Variants in ZFYVE28 observed in about 807,000 individuals in gnomAD.
The protein encoded by ZFYVE28 is lateral signaling target protein 2 homolog.
ZFYVE28 carries 40 observed loss-of-function variants against 82.1 expected under a neutral mutation model. The ratio of observed to expected loss-of-function variants is 0.49; its 90% confidence interval spans 0.38 to 0.63. ZFYVE28 has a LOEUF of 0.63. Among genes scored for constraint, ZFYVE28 ranks in the 30% least tolerant of loss-of-function variants. ZFYVE28 has a pLI of 0.00. For missense variants in ZFYVE28, 1,321 were observed against 1,242.1 expected, an observed-to-expected ratio of 1.06 and a Z score of -0.96; for synonymous variants, 612 against 546.1, an observed-to-expected ratio of 1.12 and a Z score of -1.68.
chr4:2,357,536 T>G (rs1349225334), intron 1 of ZFYVE28, among the ~76,000 whole-genome samples: 1 of 152,164 alleles, frequency 6.6e-6, no homozygotes, highest in Non-Finnish European at 1.5e-5. Flanking sequence ...AGCTCCCTTA[T>G]GGCCCCAAAC....
intron 8 of ZFYVE28, among the ~76,000 whole-genome samples, chr4:2,281,031 G>A (rs1390785422): frequency 6.6e-6 from 1 of 152,226 alleles, no homozygotes; most frequent in Non-Finnish European, 1.5e-5. Context: ...TCAGATCGCT[G>A]ATGGCCATCT....
intron 6 of ZFYVE28, among the ~76,000 whole-genome samples, chr4:2,322,581 C>T (rs1391813086): frequency 6.6e-6 from 1 of 152,130 alleles, no homozygotes; most frequent in Non-Finnish European, 1.5e-5. Context: ...GTGGGGGTGG[C>T]CAGTCTTCCC....
chr4:2,389,741 AAGC>A (rs1356154968), intron 1 of ZFYVE28, among the ~76,000 whole-genome samples: 1 of 152,164 alleles, frequency 6.6e-6, no homozygotes, highest in Non-Finnish European at 1.5e-5. Flanking sequence ...GAGGGTGACA[AAGC>A]AGCCCCAAAG....
intron 8 of ZFYVE28, among the ~76,000 whole-genome samples, chr4:2,303,628 A>C (rs1715968071): frequency 6.6e-6 from 1 of 152,028 alleles, no homozygotes; most frequent in Non-Finnish European, 1.5e-5. Context: ...CCCTGTCTCC[A>C]GAGTGGGGGA....
At chr4:2,292,949 TAC>T (rs1004113731) in intron 8 of ZFYVE28, among the ~76,000 whole-genome samples, 9 of 152,304 alleles carry the variant, frequency 5.9e-5, no homozygotes, top group Admixed American at 5.9e-4. Context: ...CATGACCATG[TAC>T]AGTTTGCCCC....
chr4:2,333,458 C>T (rs953287174), intron 6 of ZFYVE28, among the ~76,000 whole-genome samples: 26 of 151,838 alleles, frequency 1.7e-4, no homozygotes, highest in African/African-American at 4.6e-4. Context: ...TGCTGTTCTG[C>T]GGTCGCCTGT....
rs182631001 is a variant in ZFYVE28 at position 2,408,022 on chromosome 4, G to C, written c.39+10263C>G. On this transcript the variant is annotated intron_variant, in intron 1 of 12. Coordinates refer to ENST00000290974, the MANE Select transcript of ZFYVE28 (RefSeq NM_020972.3). The surrounding 1 kb of genome is among the most constrained non-coding windows in gnomAD (Gnocchi z 4.3). ...ACTCCACTTCAGAGGTGTGGCAGGA[G>C]GGCTCCTCCAGAACACCATGTACCT... is the stretch of plus-strand genomic sequence containing the variant. Among the ~76,000 whole-genome samples, 425 of 152,270 alleles carry C rather than the reference G, an allele frequency of 2.8e-3. 5 individuals carry two copies. Among genetic ancestry groups the C allele is most frequent in the African/African-American group, 9.8e-3 (409 of 41,564 alleles).
intron 8 of ZFYVE28, among the ~76,000 whole-genome samples, chr4:2,281,805 G>A (rs1360551066): frequency 6.6e-6 from 1 of 152,198 alleles, no homozygotes. Flanking sequence ...TGAACAGACA[G>A]GGTAGGGCCA....
At chr4:2,382,086 G>A (rs930836602) in intron 1 of ZFYVE28, among the ~76,000 whole-genome samples, 5 of 152,248 alleles carry the variant, frequency 3.3e-5, no homozygotes, top group African/African-American at 1.2e-4. Flanking sequence ...AGTCAACAAT[G>A]AGGGTTTGGG....
At chr4:2,414,141 G>A (rs928296389) in intron 1 of ZFYVE28, among the ~76,000 whole-genome samples, 1 of 152,224 alleles carries the variant, frequency 6.6e-6, no homozygotes, top group Non-Finnish European at 1.5e-5. Flanking sequence ...GCCACCAATG[G>A]GCAGCTCTCT....
chr4:2,402,809 T>C (rs1157575171), intron 1 of ZFYVE28, among the ~76,000 whole-genome samples: 1 of 152,174 alleles, frequency 6.6e-6, no homozygotes, highest in Non-Finnish European at 1.5e-5. Context: ...CTGCTCTCAG[T>C]CAGCCTCTCA....
At chr4:2,356,167 G>A (rs1455101000) in intron 1 of ZFYVE28, among the ~76,000 whole-genome samples, 1 of 152,194 alleles carries the variant, frequency 6.6e-6, no homozygotes, top group African/African-American at 2.4e-5. Flanking sequence ...AAACCCCAGT[G>A]AGGCTGAGCA....
intron 8 of ZFYVE28, among the ~76,000 whole-genome samples, chr4:2,289,910 C>A (rs1014623218): frequency 8.2e-6 from 1 of 121,240 alleles, no homozygotes; most frequent in Non-Finnish European, 1.9e-5. Flanking sequence ...TCCTCATCAC[C>A]CACAGGGGAC....
At chr4:2,391,428 T>C (rs1729812235) in intron 1 of ZFYVE28, among the ~76,000 whole-genome samples, 1 of 150,052 alleles carries the variant, frequency 6.7e-6, no homozygotes. Context: ...CTGTCTTAGG[T>C]CAGCTAGCAC....
At chr4:2,384,238 T>C (rs1223744678) in intron 1 of ZFYVE28, among the ~76,000 whole-genome samples, 1 of 152,224 alleles carries the variant, frequency 6.6e-6, no homozygotes, top group Non-Finnish European at 1.5e-5. Context: ...GAGACTGCAC[T>C]GCTGACAGAA....
At position 2,300,154 on chromosome 4, in the gene ZFYVE28, G is replaced by A. The variant is rs1419653680; in HGVS notation, c.2051+4135C>T. On this transcript the variant is annotated intron_variant, in intron 8 of 12. Transcript: ENST00000290974. The surrounding 1 kb of genome is among the most constrained non-coding windows in gnomAD (Gnocchi z 4.6). ...TGAACAGGGACCACATCTATAATTA[G>A]CAAACAGGGAGTCAGTGTTACTTTT... 6.6e-6 allele frequency among the ~76,000 whole-genome samples: 1 copy of A among 152,150 alleles called. No individual in the cohort carries two copies. Among genetic ancestry groups the A allele is most frequent in the African/African-American group, 2.4e-5 (1 of 41,424 alleles).
intron 1 of ZFYVE28, among the ~76,000 whole-genome samples, chr4:2,384,917 G>A (rs997219650): frequency 6.6e-6 from 1 of 152,140 alleles, no homozygotes; most frequent in South Asian, 2.1e-4. Context: ...CTAGACTTGG[G>A]GGGAGGGGAG....
rs537887376 is a variant in ZFYVE28 at position 2,388,465 on chromosome 4, C to T, written c.39+29820G>A. 5.9e-5 allele frequency among the ~76,000 whole-genome samples: 9 copies of T among 152,270 alleles called. No individual in the cohort carries two copies. The South Asian group carries it at 1.9e-3, about 32-fold the overall frequency. On this transcript the variant is annotated intron_variant, in intron 1 of 12. Coordinates refer to ENST00000290974, the MANE Select transcript of ZFYVE28 (RefSeq NM_020972.3). ...TCCACAAGGGCTCACCTTCTCCCAT[C>T]CCACTGCTGCACAAGAAGGGAAGTA...
At chr4:2,272,574 G>C (rs1560122884) in intron 10 of ZFYVE28, among the ~76,000 whole-genome samples, 1 of 152,346 alleles carries the variant, frequency 6.6e-6, no homozygotes, top group East Asian at 1.9e-4. Context: ...ACGTGTATGT[G>C]CACGTGTCTC....
Sources: allele counts gnomAD v4.1 joint callset (sites outside exome capture counted in the v4.1 genomes callset), GRCh38; gene constraint gnomAD v4.1.1; non-coding constraint Gnocchi (gnomAD v3.1); transcripts MANE v1.5; gene names NCBI Gene and HGNC (gene_info 2026-07-23, HGNC 2026-07-21).